MOGAT1: variants seen among roughly 807,000 people sequenced by gnomAD.
The protein encoded by MOGAT1 is 2-acylglycerol O-acyltransferase 1.
MOGAT1 carries 32 observed loss-of-function variants against 31.4 expected under a neutral mutation model. The ratio of observed to expected loss-of-function variants is 1.02; its 90% CI spans 0.77 to 1.37. MOGAT1 has a LOEUF of 1.37. Among genes scored for constraint, MOGAT1 ranks in the 40% most tolerant of loss-of-function variants. The pLI, the probability that MOGAT1 is intolerant of heterozygous loss-of-function variation, is 0.00. For missense variants in MOGAT1, 426 were observed against 402.0 expected (o/e 1.06, Z -0.51); for synonymous variants, 145 against 144.5 (o/e 1.00, Z -0.03).
rs766438332 is a variant in MOGAT1 at position 222,671,892 on chromosome 2, C to A, written c.94+13C>A. The A allele has an allele frequency of 1.9e-6, 3 of 1,544,484 alleles. No homozygotes were observed. ...TACCTGCTGCTCGGTAAGGACCCCG[C>A]CCCCCGGGCCGCGGGGCTTGGGCTC... On this transcript the variant is annotated intron_variant, in intron 1 of 5. Transcript: ENST00000446656.
chr2:222,673,272 TC>T (rs1182126780), intron 1 of MOGAT1, among the ~76,000 whole-genome samples: 1 of 140,486 alleles, frequency 7.1e-6, no homozygotes, highest in African/African-American at 2.7e-5. Context: ...TTTTTTTTTT[TC>T]CTTTTTCCTC....
intron 1 of MOGAT1, among the ~76,000 whole-genome samples, chr2:222,682,200 C>T (rs1027141516): frequency 3.3e-5 from 5 of 152,098 alleles, no homozygotes; most frequent in African/African-American, 1.2e-4. Context: ...AAATTGTAAA[C>T]ATCATAACAC....
At chr2:222,680,922 T>C (rs1253583633) in intron 1 of MOGAT1, among the ~76,000 whole-genome samples, 4 of 152,136 alleles carry the variant, frequency 2.6e-5, no homozygotes, top group African/African-American at 9.7e-5. Flanking sequence ...AGGTTGCTCA[T>C]GGAGATTTTA....
intron 2 of MOGAT1, among the ~76,000 whole-genome samples, chr2:222,688,759 C>T (rs1309461745): frequency 6.6e-6 from 1 of 152,178 alleles, no homozygotes; most frequent in Non-Finnish European, 1.5e-5. Flanking sequence ...AAGAGCCTTC[C>T]TGCTGCATCA....
rs16864011 is a variant in MOGAT1 at position 222,693,214 on chromosome 2, A to G, written c.479-1148A>G. Among the ~76,000 whole-genome samples the G allele has an allele frequency of 4.9e-3, 751 of 152,350 alleles. 23 individuals carry two copies. In the East Asian group the frequency reaches 0.091, roughly 19 times the overall value. On this transcript the variant is annotated intron_variant, in intron 3 of 5. Coordinates refer to ENST00000446656, the MANE Select transcript of MOGAT1 (RefSeq NM_058165.3). ...TAAAAAGTGATTATTTCTGAAATGT[A>G]GTTCAAGACTGGTTTGTATGTTTGT...
intron 5 of MOGAT1, among the ~76,000 whole-genome samples, chr2:222,703,878 A>G (rs1180504827): frequency 6.7e-6 from 1 of 150,308 alleles, no homozygotes; most frequent in Non-Finnish European, 1.5e-5. Context: ...ACGAGAAAAA[A>G]AATAATGCCC....
intron 5 of MOGAT1, among the ~76,000 whole-genome samples, chr2:222,696,006 A>T (rs765586602): frequency 6.6e-5 from 10 of 152,192 alleles, no homozygotes; most frequent in Non-Finnish European, 1.3e-4. Flanking sequence ...ATGAGTGAGA[A>T]CATACGATGT....
At chr2:222,692,533 A>C (rs1355752823) in intron 3 of MOGAT1, among the ~76,000 whole-genome samples, 1 of 152,220 alleles carries the variant, frequency 6.6e-6, no homozygotes, top group African/African-American at 2.4e-5. Flanking sequence ...GACAACTTTA[A>C]GGGAGAATTT....
intron 5 of MOGAT1, among the ~76,000 whole-genome samples, chr2:222,700,254 C>T (rs1692900427): frequency 6.6e-6 from 1 of 152,168 alleles, no homozygotes; most frequent in Non-Finnish European, 1.5e-5. Flanking sequence ...AGCTTTTTTA[C>T]TTTTTAAATG....
chr2:222,689,262 T>C lies in MOGAT1; in HGVS notation c.274-3T>C. On this transcript the variant is annotated splice_region_variant and splice_polypyrimidine_tract_variant and intron_variant, in intron 2 of 5. Coordinates refer to ENST00000446656, the MANE Select transcript of MOGAT1 (RefSeq NM_058165.3). ...TTAAAATCTCAATATGAATGTGCTG[T>C]AGCTTATCAAAACTCAAGATTTGGA... 2 of 1,610,490 alleles carry C rather than the reference T, an allele frequency of 1.2e-6. No homozygotes were observed. The highest frequency in any genetic ancestry group is 1.7e-6 in the Non-Finnish European group (2 of 1,177,472).
At chr2:222,681,571 C>G (rs531784895) in intron 1 of MOGAT1, among the ~76,000 whole-genome samples, 6 of 152,178 alleles carry the variant, frequency 3.9e-5, no homozygotes, top group African/African-American at 1.4e-4. Flanking sequence ...CTTTATGGAG[C>G]CTTCCTCATT....
At chr2:222,709,419 G>A (rs1693079053) in intron 5 of MOGAT1, among the ~76,000 whole-genome samples, 1 of 152,230 alleles carries the variant, frequency 6.6e-6, no homozygotes, top group Admixed American at 6.5e-5. Context: ...GTTCCAGAGG[G>A]AGGAAGCTGG....
chr2:222,671,701 A>T lies in MOGAT1; in HGVS notation c.-85A>T. 1 of 1,171,320 alleles carries T rather than the reference A, an allele frequency of 8.5e-7. No individual in the cohort carries two copies. Among genetic ancestry groups the T allele is most frequent in the Non-Finnish European group, 1.2e-6 (1 of 813,510 alleles). The allele number at this position is 1,171,320 out of a possible 1,614,324, so 72.6% of individuals were successfully genotyped here. ...AGCCAGTGCCCAGCGCGGGGCCCGG[A>T]TCCGGCCGGGCACTTCCCACAGGCG... On this transcript the variant is annotated 5_prime_UTR_variant, in exon 1 of 6. Coordinates refer to ENST00000446656, the MANE Select transcript of MOGAT1 (RefSeq NM_058165.3).
At chr2:222,695,729 G>A (rs181693085) in intron 5 of MOGAT1, among the ~76,000 whole-genome samples, 126 of 151,884 alleles carry the variant, frequency 8.3e-4, no homozygotes, top group African/African-American at 2.3e-3. Context: ...GCAGCTAGCT[G>A]TTTTATATAT....
chr2:222,696,488 A>AT (rs1244084268), intron 5 of MOGAT1, among the ~76,000 whole-genome samples: 1 of 152,042 alleles, frequency 6.6e-6, no homozygotes. Context: ...TCGCATTATG[A>AT]TTTTGATTTA....
chr2:222,709,750 C>G lies in MOGAT1; in HGVS notation c.868C>G (p.Pro290Ala). The G allele has an allele frequency of 6.2e-7, 1 of 1,612,576 alleles. No individual in the cohort carries two copies. Among genetic ancestry groups the G allele is most frequent in the South Asian group, 1.1e-5 (1 of 90,926 alleles). Reference protein sequence around the residue: ...AIHTVVGRPIPVRQTLNPTQE... With the variant: ...AIHTVVGRPIAVRQTLNPTQE... ...CTGATTTGCAGTTGGCCGCCCGATC[C>G]CTGTTCGTCAGACTCTGAACCCGAC... Residue 290 changes from proline to alanine, a missense_variant, in exon 6 of 6, where the codon CCT becomes GCT. Transcript: ENST00000446656.
In MOGAT1 at chr2:222,709,682, T is replaced by C. The variant is rs993977828; in HGVS notation, c.854-54T>C. ...CACAGCTGTGCATTAGGGGCGGCGG[T>C]CTGTGGTGGAGTGGTTTTAGTTCCT... On this transcript the variant is annotated intron_variant, in intron 5 of 5. Coordinates refer to ENST00000446656, the MANE Select transcript of MOGAT1 (RefSeq NM_058165.3). The C allele has an allele frequency of 2.7e-5, 42 of 1,543,994 alleles. No individual in the cohort carries two copies. In the African/African-American group the frequency reaches 4.2e-4, roughly 16 times the overall value.
In MOGAT1 at chr2:222,704,183, T is replaced by C. The variant is rs77656205; in HGVS notation, c.854-5553T>C. Among the ~76,000 whole-genome samples the C allele has an allele frequency of 3.5e-3, 525 of 152,114 alleles. 4 individuals are homozygous for C. Among genetic ancestry groups the C allele is most frequent in the African/African-American group, 0.012 (494 of 41,502 alleles). ...CTAAGAGCAGCCTGATGCAGCCGAG[T>C]TTTTCCCCCTTTGTTTTGTAAAAAG... On this transcript the variant is annotated intron_variant, in intron 5 of 5. Transcript: ENST00000446656.
At chr2:222,687,598 T>C (rs1692693242) in intron 1 of MOGAT1, among the ~76,000 whole-genome samples, 1 of 152,358 alleles carries the variant, frequency 6.6e-6, no homozygotes, top group Non-Finnish European at 1.5e-5. Context: ...TTGACAGTTT[T>C]TGCCCCGTGT....
Sources: gnomAD v4.1 joint callset for allele counts (sites outside exome capture counted in the v4.1 genomes callset) on GRCh38, gnomAD v4.1.1 for gene constraint, MANE v1.5 for transcripts, NCBI Gene and HGNC (gene_info 2026-07-23, HGNC 2026-07-21) for gene names.